The following ATP9A variants were observed in gnomAD, a reference collection of about 807,000 sequenced individuals.
ATP9A encodes the protein ATPase phospholipid transporting 9A.
Under a neutral mutation model 144.1 loss-of-function variants are expected in ATP9A, and 52 were observed. The observed-to-expected ratio is 0.36, with a 90% CI of 0.29 to 0.45. The LOEUF is 0.45. ATP9A is among the 20% of genes least tolerant of loss of function. The probability of loss-of-function intolerance (pLI) is 1.00; values close to 1 mark genes in which losing one functional copy is unlikely to be tolerated. For synonymous variants in ATP9A, 582 were observed against 557.4 expected, an observed-to-expected ratio of 1.04 and a Z score of -0.62; for missense variants, 947 against 1,392.7, an observed-to-expected ratio of 0.68 and a Z score of 5.09.
chr20:51,617,649 G>A, intron 21 of ATP9A, 95 bp from the exon 22 acceptor site: 1 of 1,422,614 alleles, frequency 7.0e-7, no homozygotes, highest in Non-Finnish European at 9.7e-7. Flanking sequence ...CTTTCACGGA[G>A]CGCTTGCTGA....
chr20:51,632,571 T>A (rs1045244455), intron 15 of ATP9A, among the ~76,000 whole-genome samples: 2 of 152,098 alleles, frequency 1.3e-5, no homozygotes, highest in African/African-American at 4.8e-5. Flanking sequence ...AGTAGCACTC[T>A]CAGCCTCTGG....
chr20:51,641,805 T>A (rs1309049345), intron 14 of ATP9A, among the ~76,000 whole-genome samples: 1 of 122,988 alleles, frequency 8.1e-6, no homozygotes, highest in Non-Finnish European at 1.6e-5. Context: ...CACTCCAGTT[T>A]GGGCAACAAG....
At chr20:51,664,998 G>A (rs2077426737) in intron 13 of ATP9A, among the ~76,000 whole-genome samples, 1 of 151,568 alleles carries the variant, frequency 6.6e-6, no homozygotes, top group Admixed American at 6.6e-5. Flanking sequence ...CCAAAGTGCT[G>A]GGATTACAGG....
chr20:51,709,621 G>A (rs889339300), intron 4 of ATP9A, among the ~76,000 whole-genome samples: 3 of 152,164 alleles, frequency 2.0e-5, no homozygotes, highest in Non-Finnish European at 4.4e-5. Flanking sequence ...CCAACTACTC[G>A]GAGGCTGAAG....
chr20:51,755,882 G>A (rs1239503614), intron 1 of ATP9A, among the ~76,000 whole-genome samples: 1 of 152,096 alleles, frequency 6.6e-6, no homozygotes, highest in African/African-American at 2.4e-5. Context: ...GTGAACCTGG[G>A]AGGCGGAGCT....
At chr20:51,741,443 G>A (rs1201171513) in intron 1 of ATP9A, among the ~76,000 whole-genome samples, 1 of 152,116 alleles carries the variant, frequency 6.6e-6, no homozygotes, top group Admixed American at 6.6e-5. Context: ...CAGGCGTGGT[G>A]GCGCATGCCT....
At chr20:51,668,177 G>GA (rs11484091) in intron 13 of ATP9A, among the ~76,000 whole-genome samples, 16,948 of 53,552 alleles carry the variant, frequency 0.32, 2,280 homozygotes, top group Non-Finnish European at 0.37. Flanking sequence ...AAGGGAGAAG[G>GA]AAAAAAAAAA....
At chr20:51,760,516 C>G (rs2077874713) in intron 1 of ATP9A, among the ~76,000 whole-genome samples, 1 of 150,342 alleles carries the variant, frequency 6.7e-6, no homozygotes. Flanking sequence ...CACCTGAGGT[C>G]AGGAGTTCGA....
chr20:51,757,436 C>T (rs2077861354), intron 1 of ATP9A, among the ~76,000 whole-genome samples: 1 of 152,186 alleles, frequency 6.6e-6, no homozygotes, highest in Admixed American at 6.6e-5. Flanking sequence ...TTGGGGACCG[C>T]CGCCAACAGG....
At chr20:51,620,771 G>A (rs751373486) in intron 19 of ATP9A, among the ~76,000 whole-genome samples, 28 of 152,120 alleles carry the variant, frequency 1.8e-4, no homozygotes, top group African/African-American at 6.8e-4. Context: ...ACACTGGTTC[G>A]TCACACGGGG....
chr20:51,728,487 G>A (rs1479429369), intron 2 of ATP9A, among the ~76,000 whole-genome samples: 1 of 152,042 alleles, frequency 6.6e-6, no homozygotes, highest in African/African-American at 2.4e-5. Flanking sequence ...AATTAGCCGG[G>A]CGTGGTGGCG....
intron 3 of ATP9A, among the ~76,000 whole-genome samples, chr20:51,714,485 G>A (rs113790706): frequency 0.22 from 33,518 of 152,114 alleles, 4,353 homozygotes; most frequent in East Asian, 0.45. Context: ...GGGCTCAAGC[G>A]ATTCTCTTGC....
rs371158399 is a variant in ATP9A, at chr20:51,654,478, A to G, written c.1506+2460T>C. Among the ~76,000 whole-genome samples the G allele has an allele frequency of 2.5e-3, 385 of 151,828 alleles. 2 individuals are homozygous for G. Among genetic ancestry groups the G allele is most frequent in the African/African-American group, 9.1e-3 (378 of 41,378 alleles). ...AAAATGGGTTAAAAAAAAAATTGGG[A>G]TTCCTCCCAATGTTGGTACAAGAGT... On this transcript the variant is annotated intron_variant, in intron 14 of 27. Transcript: ENST00000338821.
intron 1 of ATP9A, among the ~76,000 whole-genome samples, chr20:51,730,323 C>T (rs2077735204): frequency 6.6e-6 from 1 of 152,116 alleles, no homozygotes; most frequent in Non-Finnish European, 1.5e-5. Context: ...CAAAAATTAG[C>T]CGGGCGTGTT....
chr20:51,701,679 C>T (rs2077593686), intron 4 of ATP9A, among the ~76,000 whole-genome samples: 1 of 152,156 alleles, frequency 6.6e-6, no homozygotes, highest in Non-Finnish European at 1.5e-5. Context: ...AGCAAGGAGC[C>T]ACACCATCAT....
intron 11 of ATP9A, among the ~76,000 whole-genome samples, chr20:51,672,095 T>C (rs1176067844): frequency 3.9e-5 from 6 of 152,174 alleles, no homozygotes; most frequent in African/African-American, 1.4e-4. Flanking sequence ...CCACCACGCC[T>C]GGCCGGAATT....
intron 4 of ATP9A, among the ~76,000 whole-genome samples, chr20:51,701,720 T>C (rs1331983319): frequency 6.6e-6 from 1 of 152,208 alleles, no homozygotes; most frequent in African/African-American, 2.4e-5. Context: ...GCCACGGTCA[T>C]TCATTAGCAT....
At position 51,725,891 on chromosome 20, in the gene ATP9A, G is replaced by A. The variant is rs1453396738; in HGVS notation, c.255C>T (p.Phe85=). 1 of 1,613,712 alleles carries A rather than the reference G, an allele frequency of 6.2e-7. No homozygotes were observed. ...NQFKYFFNLY[F]LLLACSQFVP... Reference sequence around the variant, plus strand: ...CAAACTGAGAGCAGGCAAGAAGTAAGAAATAGAGGTTGAAAAAGTATTTGA... The same window carrying A: ...CAAACTGAGAGCAGGCAAGAAGTAAAAAATAGAGGTTGAAAAAGTATTTGA... The change falls in exon 3 of 28, where the codon TTC becomes TTT. Residue 85 remains phenylalanine, a synonymous_variant. Coordinates refer to ENST00000338821, the MANE Select transcript of ATP9A (RefSeq NM_006045.3).
chr20:51,752,397 C>T (rs906808590), intron 1 of ATP9A, among the ~76,000 whole-genome samples: 2 of 152,240 alleles, frequency 1.3e-5, no homozygotes, highest in Non-Finnish European at 2.9e-5. Context: ...GGAAGCCCCA[C>T]ACTGTCAGGG....
Sources: gnomAD v4.1 joint callset for allele counts (sites outside exome capture counted in the v4.1 genomes callset) on GRCh38, gnomAD v4.1.1 for gene constraint, MANE v1.5 for transcripts, NCBI Gene and HGNC (gene_info 2026-07-23, HGNC 2026-07-21) for gene names.